Variants in GLIS3 observed in about 807,000 individuals in gnomAD.
GLIS3 encodes the protein zinc finger protein GLIS3.
Under a neutral mutation model 78.6 loss-of-function variants are expected in GLIS3, and 53 were observed. The ratio of observed to expected loss-of-function variants is 0.67; its 90% confidence interval spans 0.54 to 0.85. GLIS3 has a LOEUF of 0.85. Among genes scored for constraint, GLIS3 ranks in the 40% least tolerant of loss-of-function variants. GLIS3 has a pLI of 0.00. For missense variants in GLIS3, 1,703 were observed against 1,231.1 expected, an observed-to-expected ratio of 1.38 and a Z score of -5.74; for synonymous variants, 684 against 509.9, an observed-to-expected ratio of 1.34 and a Z score of -4.60.
At chr9:4,152,617 C>T (rs1426832774) in intron 2 of GLIS3, among the ~76,000 whole-genome samples, 2 of 152,164 alleles carry the variant, frequency 1.3e-5, no homozygotes, top group Non-Finnish European at 2.9e-5. Flanking sequence ...GTGGTGTTCA[C>T]TCTCTCCTTT....
intron 2 of GLIS3, among the ~76,000 whole-genome samples, chr9:4,234,288 G>C (rs1402848156): frequency 1.3e-5 from 2 of 152,182 alleles, no homozygotes; most frequent in South Asian, 2.1e-4. Context: ...TCTAGCTTTT[G>C]AGTTAAAGTG....
the GLIS3 span, among the ~76,000 whole-genome samples, chr9:4,462,367 T>A: frequency 6.6e-6 from 1 of 152,104 alleles, no homozygotes; most frequent in African/African-American, 2.4e-5. Context: ...TTGAATGAGG[T>A]AAGAGACCAG....
At chr9:4,419,154 T>C in the GLIS3 span, among the ~76,000 whole-genome samples, 74,059 of 152,034 alleles carry the variant, frequency 0.49, 18,538 homozygotes, top group Non-Finnish European at 0.54. Flanking sequence ...ATGAGAAATT[T>C]GTGCTCCCTT....
At chr9:4,314,805 T>A (rs973854523) in intron 2 of GLIS3, among the ~76,000 whole-genome samples, 1 of 152,188 alleles carries the variant, frequency 6.6e-6, no homozygotes, top group Non-Finnish European at 1.5e-5. Context: ...TCCCTGAGCC[T>A]TCATAGGGCT....
chr9:4,297,689 A>G (rs1437422981), intron 1 of GLIS3, among the ~76,000 whole-genome samples: 2 of 152,046 alleles, frequency 1.3e-5, no homozygotes, highest in African/African-American at 2.4e-5. Context: ...CCCCTTCCCC[A>G]GGTTTACATG....
chr9:4,372,901 A>G, the GLIS3 span, among the ~76,000 whole-genome samples: 1 of 152,170 alleles, frequency 6.6e-6, no homozygotes, highest in African/African-American at 2.4e-5. Context: ...CCAGCCTCTA[A>G]TGGGCAGTGA....
intron 4 of GLIS3, among the ~76,000 whole-genome samples, chr9:4,089,317 A>G (rs1829299828): frequency 6.6e-6 from 1 of 152,120 alleles, no homozygotes; most frequent in South Asian, 2.1e-4. Flanking sequence ...GAAGATGTCT[A>G]AACAGTCTCA....
intron 4 of GLIS3, among the ~76,000 whole-genome samples, chr9:4,019,801 C>T (rs747582495): frequency 2.0e-5 from 3 of 152,146 alleles, no homozygotes; most frequent in Non-Finnish European, 2.9e-5. Flanking sequence ...GGGGCAATCA[C>T]AGCTCACTGT....
At chr9:4,309,336 G>C (rs1817303562) in intron 3 of GLIS3, among the ~76,000 whole-genome samples, 1 of 152,202 alleles carries the variant, frequency 6.6e-6, no homozygotes, top group South Asian at 2.1e-4. Context: ...TTGGCTGTAA[G>C]TTAATACTTT....
chr9:4,084,211 T>C (rs1828803370), intron 4 of GLIS3, among the ~76,000 whole-genome samples: 1 of 151,038 alleles, frequency 6.6e-6, no homozygotes, highest in South Asian at 2.1e-4. Context: ...CAGAGTGATA[T>C]GATGCCAGCA....
rs562943201 is a variant in GLIS3, at chr9:4,148,195, T to C, written c.389-22254A>G. Among the ~76,000 whole-genome samples the C allele has an allele frequency of 2.7e-4, 41 of 152,226 alleles. No individual in the cohort carries two copies. The Middle Eastern group carries it at 0.017, about 63-fold the overall frequency. On this transcript the variant is annotated intron_variant, in intron 2 of 10. Transcript: ENST00000381971. ...CCCCTTTTTCTTATTATAGCAAAAA[T>C]AGCTTCAGGAAAACTCTTACTAATT...
intron 2 of GLIS3, among the ~76,000 whole-genome samples, chr9:4,196,972 C>T (rs1178446941): frequency 6.6e-6 from 1 of 152,174 alleles, no homozygotes; most frequent in Non-Finnish European, 1.5e-5. Flanking sequence ...CTTGGAGCAT[C>T]TGCTTGCCTG....
intron 10 of GLIS3, among the ~76,000 whole-genome samples, chr9:3,828,760 A>G (rs1044298350): frequency 6.6e-6 from 1 of 152,186 alleles, no homozygotes; most frequent in Admixed American, 6.5e-5. Context: ...AACATTCCAG[A>G]AGGAGGAAAC....
chr9:3,988,491 T>C (rs913031019), intron 4 of GLIS3, among the ~76,000 whole-genome samples: 1 of 152,194 alleles, frequency 6.6e-6, no homozygotes, highest in Non-Finnish European at 1.5e-5. Context: ...AAAATTTATA[T>C]GAAAAGGCAC....
chr9:3,956,613 T>G (rs972764755), intron 4 of GLIS3, among the ~76,000 whole-genome samples: 3 of 152,162 alleles, frequency 2.0e-5, no homozygotes, highest in African/African-American at 7.2e-5. Flanking sequence ...CCAAAAGACG[T>G]TGCATGGAGG....
At chr9:4,051,087 G>T (rs985919365) in intron 4 of GLIS3, among the ~76,000 whole-genome samples, 4 of 152,150 alleles carry the variant, frequency 2.6e-5, no homozygotes, top group Non-Finnish European at 5.9e-5. Context: ...ATAAGCTCCC[G>T]TGAGGCCTAA....
intron 7 of GLIS3, among the ~76,000 whole-genome samples, chr9:3,884,388 C>A (rs536778423): frequency 1.2e-4 from 19 of 152,294 alleles, no homozygotes; most frequent in Non-Finnish European, 2.4e-4. Context: ...GAAGACCTCC[C>A]TTGTCAGGCT....
At chr9:4,420,456 G>T in the GLIS3 span, among the ~76,000 whole-genome samples, 1 of 152,168 alleles carries the variant, frequency 6.6e-6, no homozygotes, top group Non-Finnish European at 1.5e-5. Context: ...TTACTCGTAA[G>T]GTGCTGTGAT....
the GLIS3 span, among the ~76,000 whole-genome samples, chr9:4,400,709 A>T: frequency 6.6e-6 from 1 of 152,198 alleles, no homozygotes; most frequent in Non-Finnish European, 1.5e-5. Context: ...TTCATCTTGC[A>T]TCTTGGATAC....
Sources: gnomAD v4.1 joint callset for allele counts (sites outside exome capture counted in the v4.1 genomes callset) on GRCh38, gnomAD v4.1.1 for gene constraint, MANE v1.5 for transcripts, NCBI Gene and HGNC (gene_info 2026-07-23, HGNC 2026-07-21) for gene names.